ACER1: variants seen among roughly 807,000 people sequenced by gnomAD.
The protein encoded by ACER1 is CTB-180A7.3.
Under a neutral mutation model 24.9 loss-of-function variants are expected in ACER1, and 28 were observed. The ratio of observed to expected loss-of-function variants is 1.13; its 90% CI spans 0.83 to 1.54. The LOEUF (loss-of-function observed/expected upper bound fraction) is 1.54. ACER1 is among the 40% of genes most tolerant of loss of function. The pLI is 0.00. For synonymous variants in ACER1, 132 were observed against 131.4 expected (o/e 1.00, Z -0.03); for missense variants, 352 against 349.3 (o/e 1.01, Z -0.06).
In ACER1 at chr19:6,322,289, C is replaced by T. The variant is rs529893385; in HGVS notation, c.94-9790G>A. 7.9e-5 allele frequency among the ~76,000 whole-genome samples: 12 copies of T among 152,260 alleles called. No homozygotes were observed. In the South Asian group the frequency reaches 1.2e-3, roughly 16 times the overall value. On this transcript the variant is annotated intron_variant, in intron 1 of 5. Transcript: ENST00000301452. ...AAACTGTAACACTGTCACCCAGGTG[C>T]GTGGGGCTGAATACATTCTAGTGAA...
chr19:6,322,514 C>A (rs1466339263), intron 1 of ACER1, among the ~76,000 whole-genome samples: 2 of 152,124 alleles, frequency 1.3e-5, no homozygotes, highest in Admixed American at 6.6e-5. Flanking sequence ...ACCCTGGGTG[C>A]CCTTTTCCAT....
At chr19:6,348,424 G>A in the ACER1 span, among the ~76,000 whole-genome samples, 3 of 143,358 alleles carry the variant, frequency 2.1e-5, no homozygotes, top group Non-Finnish European at 4.5e-5. Flanking sequence ...AAGATCTCAC[G>A]ACTGCACTCC....
At chr19:6,314,426 C>T (rs865791522) in intron 1 of ACER1, among the ~76,000 whole-genome samples, 22 of 150,074 alleles carry the variant, frequency 1.5e-4, no homozygotes, top group Non-Finnish European at 2.7e-4. Flanking sequence ...GCCGAGATCA[C>T]GCCATCGCAC....
intron 1 of ACER1, among the ~76,000 whole-genome samples, chr19:6,320,102 CAAAAAA>C (rs59776363): frequency 9.9e-6 from 1 of 101,496 alleles, no homozygotes; most frequent in Admixed American, 1.1e-4. Flanking sequence ...GATTCTGTCT[CAAAAAA>C]AAAAAAAAAA....
At chr19:6,310,329 C>T (rs571300911) in intron 3 of ACER1, among the ~76,000 whole-genome samples, 6 of 151,698 alleles carry the variant, frequency 4.0e-5, no homozygotes, top group East Asian at 3.9e-4. Flanking sequence ...CCTCGTGATC[C>T]GCCCGCCTCG....
chr19:6,323,352 C>T (rs1233310521), intron 1 of ACER1, among the ~76,000 whole-genome samples: 2 of 150,834 alleles, frequency 1.3e-5, no homozygotes, highest in African/African-American at 4.9e-5. Context: ...CCCTAGGGGG[C>T]AGAGCCTGCA....
chr19:6,352,061 A>G, the ACER1 span, among the ~76,000 whole-genome samples: 1 of 151,792 alleles, frequency 6.6e-6, no homozygotes, highest in Non-Finnish European at 1.5e-5. Flanking sequence ...ATCTCAAAAA[A>G]AAAAAAAAAA....
intron 1 of ACER1, among the ~76,000 whole-genome samples, chr19:6,321,419 G>C (rs887005208): frequency 6.6e-6 from 1 of 151,668 alleles, no homozygotes; most frequent in African/African-American, 2.4e-5. Context: ...GGGATTACAG[G>C]TGTGAGCCAC....
At chr19:6,320,923 T>C (rs1243691966) in intron 1 of ACER1, among the ~76,000 whole-genome samples, 1 of 152,024 alleles carries the variant, frequency 6.6e-6, no homozygotes, top group African/African-American at 2.4e-5. Context: ...CTGGGTGCTG[T>C]ATTCACTCGT....
the ACER1 span, among the ~76,000 whole-genome samples, chr19:6,350,902 G>A: frequency 7.9e-5 from 12 of 152,170 alleles, no homozygotes; most frequent in African/African-American, 2.7e-4. Flanking sequence ...CATGTGAGCA[G>A]ATCTGAGCCA....
chr19:6,320,632 C>A (rs1600240046), intron 1 of ACER1, among the ~76,000 whole-genome samples: 1 of 152,004 alleles, frequency 6.6e-6, no homozygotes, highest in South Asian at 2.1e-4. Context: ...CAATTAATTC[C>A]TAATCACCAG....
intron 1 of ACER1, among the ~76,000 whole-genome samples, chr19:6,320,586 T>TAC (rs1389920207): frequency 1.3e-5 from 2 of 152,152 alleles, no homozygotes; most frequent in Non-Finnish European, 2.9e-5. Context: ...GTGCTGGGAT[T>TAC]ACAGGTGTGA....
chr19:6,355,565 G>A, the ACER1 span, among the ~76,000 whole-genome samples: 3 of 151,108 alleles, frequency 2.0e-5, no homozygotes, highest in Admixed American at 6.6e-5. Context: ...CACCCCACCC[G>A]GGAGGGAGGT....
At chr19:6,322,395 A>G (rs1254538099) in intron 1 of ACER1, among the ~76,000 whole-genome samples, 1 of 152,198 alleles carries the variant, frequency 6.6e-6, no homozygotes, top group Non-Finnish European at 1.5e-5. Context: ...AATATGTAGC[A>G]GCTCCTATTT....
intron 3 of ACER1, among the ~76,000 whole-genome samples, chr19:6,311,629 A>C (rs573312907): frequency 2.2e-4 from 32 of 148,196 alleles, no homozygotes; most frequent in African/African-American, 6.9e-4. Context: ...AAGGAGGAGG[A>C]GGAGAAGAAG....
chr19:6,327,004 C>T (rs1271976633), intron 1 of ACER1, among the ~76,000 whole-genome samples: 1 of 152,168 alleles, frequency 6.6e-6, no homozygotes, highest in Non-Finnish European at 1.5e-5. Context: ...AACTCCTATT[C>T]ATCTTTCAAA....
the ACER1 span, among the ~76,000 whole-genome samples, chr19:6,341,315 A>C: frequency 2.6e-5 from 4 of 151,198 alleles, no homozygotes; most frequent in African/African-American, 9.7e-5. Flanking sequence ...ATCTCAAAAA[A>C]AACAACAACA....
intron 3 of ACER1, among the ~76,000 whole-genome samples, chr19:6,310,463 C>T (rs1296933060): frequency 2.0e-5 from 3 of 151,938 alleles, no homozygotes; most frequent in Non-Finnish European, 1.5e-5. Flanking sequence ...CCCAGCTACT[C>T]AGGAGGCTGA....
At chr19:6,335,180 CT>C (rs1480428754), upstream of ACER1, among the ~76,000 whole-genome samples, 1 of 122,012 alleles carries the variant, frequency 8.2e-6, no homozygotes, top group Non-Finnish European at 1.7e-5. Flanking sequence ...TATAATTTTT[CT>C]TTTTTTAAGT....
Sources: allele counts gnomAD v4.1 joint callset (sites outside exome capture counted in the v4.1 genomes callset), GRCh38; gene constraint gnomAD v4.1.1; transcripts MANE v1.5; gene names NCBI Gene and HGNC (gene_info 2026-07-23, HGNC 2026-07-21).